Variants in PTGFRN observed in about 807,000 individuals in gnomAD.
PTGFRN encodes the protein prostaglandin F2 receptor inhibitor.
A neutral mutation model predicts 83.2 loss-of-function variants in PTGFRN; 35 were observed. The observed-to-expected ratio is 0.42, with a 90% CI of 0.32 to 0.56. The LOEUF (loss-of-function observed/expected upper bound fraction) is 0.56, where lower values mean the gene tolerates loss of function less well. Among genes scored for constraint, PTGFRN ranks in the 20% least tolerant of loss-of-function variants. The pLI is 0.11. For missense variants in PTGFRN, 1,051 were observed against 1,179.5 expected, an observed-to-expected ratio of 0.89 and a Z score of 1.60; for synonymous variants, 519 against 498.6, an observed-to-expected ratio of 1.04 and a Z score of -0.55.
At chr1:116,974,842 G>A (rs138057148) in intron 7 of PTGFRN, among the ~76,000 whole-genome samples, 15 of 152,256 alleles carry the variant, frequency 9.9e-5, no homozygotes, top group Non-Finnish European at 1.6e-4. Flanking sequence ...CTGAGGTATC[G>A]GGTTCATCTC....
chr1:116,937,859 C>G (rs1435555692), intron 1 of PTGFRN, among the ~76,000 whole-genome samples: 5 of 152,152 alleles, frequency 3.3e-5, no homozygotes, highest in Non-Finnish European at 5.9e-5. Flanking sequence ...TTGCCATAGG[C>G]CAGGGATCAT....
chr1:116,924,017 A>C (rs971332527), intron 1 of PTGFRN, among the ~76,000 whole-genome samples: 10 of 152,170 alleles, frequency 6.6e-5, no homozygotes, highest in Non-Finnish European at 1.2e-4. Flanking sequence ...AAACAAACTG[A>C]ACATTAAAGA....
intron 4 of PTGFRN, among the ~76,000 whole-genome samples, chr1:116,953,075 G>A (rs1243971966): frequency 1.3e-5 from 2 of 152,192 alleles, no homozygotes; most frequent in Non-Finnish European, 2.9e-5. Flanking sequence ...GTTGAACTCT[G>A]CCCGAAGTAC....
intron 7 of PTGFRN, among the ~76,000 whole-genome samples, chr1:116,977,994 A>G (rs1405341565): frequency 6.6e-6 from 1 of 152,202 alleles, no homozygotes; most frequent in Non-Finnish European, 1.5e-5. Flanking sequence ...ATAAAGAAGA[A>G]AAGAGAGAAG....
intron 7 of PTGFRN, among the ~76,000 whole-genome samples, chr1:116,980,122 A>G (rs1651272268): frequency 6.6e-6 from 1 of 152,006 alleles, no homozygotes; most frequent in African/African-American, 2.4e-5. Context: ...AACGCTCATC[A>G]TCACTGGCCA....
intron 1 of PTGFRN, among the ~76,000 whole-genome samples, chr1:116,932,895 T>C (rs1309694252): frequency 1.3e-5 from 2 of 152,246 alleles, no homozygotes; most frequent in African/African-American, 4.8e-5. Context: ...CCTCACGTTA[T>C]AGCTGTTATG....
In PTGFRN at chr1:116,958,804, T is replaced by C. The variant is rs769895258; in HGVS notation, c.1214-2439T>C. Reference sequence around the variant, plus strand: ...GCTCCAGACCTCAGCTCCTCACCACTGTTCTCTGCTGCCTCACAGTTTGCT... The same window carrying C: ...GCTCCAGACCTCAGCTCCTCACCACCGTTCTCTGCTGCCTCACAGTTTGCT... On this transcript the variant is annotated intron_variant, in intron 4 of 8. Transcript: ENST00000393203. This position sits in a 1 kb window ranked among gnomAD's most constrained non-coding sequence, Gnocchi z 4.9. Among the ~76,000 whole-genome samples, 1 of 152,186 alleles carries C rather than the reference T, an allele frequency of 6.6e-6. No homozygotes were observed. Among genetic ancestry groups the C allele is most frequent in the Non-Finnish European group, 1.5e-5 (1 of 68,030 alleles).
intron 6 of PTGFRN, among the ~76,000 whole-genome samples, chr1:116,970,525 A>AT (rs1376210008): frequency 6.6e-6 from 1 of 152,124 alleles, no homozygotes; most frequent in African/African-American, 2.4e-5. Context: ...GACACAGAGT[A>AT]TTTTGTATCT....
chr1:116,934,351 T>TACA (rs1258783319), intron 1 of PTGFRN, among the ~76,000 whole-genome samples: 2 of 151,954 alleles, frequency 1.3e-5, no homozygotes, highest in African/African-American at 4.8e-5. Flanking sequence ...CTCACTATGT[T>TACA]GCCCAGGCTG....
chr1:116,987,388 G>A lies in PTGFRN; in HGVS notation c.*421G>A, dbSNP rs950571127. 5.0e-6 allele frequency: 1 copy of A among 201,558 alleles called. No homozygotes were observed. Among genetic ancestry groups the A allele is most frequent in the Non-Finnish European group, 1.0e-5 (1 of 98,546 alleles). The allele number at this position is 201,558 out of a possible 1,614,324, so 12.5% of individuals were successfully genotyped here. On this transcript the variant is annotated 3_prime_UTR_variant, in exon 9 of 9. Coordinates refer to ENST00000393203, the MANE Select transcript of PTGFRN (RefSeq NM_020440.4). Reference sequence around the variant, plus strand: ...TGCCCGCCTGAGAGCCAGCTTCCGCGTTGGAGGCACGTGTTCAGAGAGCTG... The same window carrying A: ...TGCCCGCCTGAGAGCCAGCTTCCGCATTGGAGGCACGTGTTCAGAGAGCTG...
chr1:116,937,939 C>T (rs1158540435), intron 1 of PTGFRN, among the ~76,000 whole-genome samples: 1 of 152,102 alleles, frequency 6.6e-6, no homozygotes, highest in Non-Finnish European at 1.5e-5. Flanking sequence ...ACCACGGTCT[C>T]CATTTCACAC....
At chr1:116,972,439 A>G (rs1651029944) in intron 6 of PTGFRN, among the ~76,000 whole-genome samples, 1 of 152,214 alleles carries the variant, frequency 6.6e-6, no homozygotes, top group Non-Finnish European at 1.5e-5. Flanking sequence ...AAAAATATTT[A>G]TATACTTGGT....
At position 116,941,226 on chromosome 1, in the gene PTGFRN, A is replaced by G. The variant is rs1054066861; in HGVS notation, c.50-489A>G. Among the ~76,000 whole-genome samples the G allele has an allele frequency of 1.1e-4, 16 of 152,246 alleles. No homozygotes were observed. Among genetic ancestry groups the G allele is most frequent in the African/African-American group, 3.6e-4 (15 of 41,472 alleles). On this transcript the variant is annotated intron_variant, in intron 1 of 8. Coordinates refer to ENST00000393203, the MANE Select transcript of PTGFRN (RefSeq NM_020440.4). The surrounding 1 kb of genome is among the most constrained non-coding windows in gnomAD (Gnocchi z 5.0). Reference sequence around the variant, plus strand: ...ATAACAGGAGTTAAATCATTTTATCAGCAGGCTGCTCTAGGATTTAAAAAT... The same window carrying G: ...ATAACAGGAGTTAAATCATTTTATCGGCAGGCTGCTCTAGGATTTAAAAAT...
At chr1:116,915,168 T>C (rs1649374715) in intron 1 of PTGFRN, among the ~76,000 whole-genome samples, 2 of 151,784 alleles carry the variant, frequency 1.3e-5, no homozygotes, top group Admixed American at 6.6e-5. Context: ...GCGTATTGCT[T>C]GAGATTAGCT....
chr1:116,914,319 A>G (rs1165911914), intron 1 of PTGFRN, among the ~76,000 whole-genome samples: 10 of 152,188 alleles, frequency 6.6e-5, no homozygotes, highest in Non-Finnish European at 1.5e-4. Context: ...GTTCTATTGG[A>G]GAGACTTTGG....
At chr1:116,979,905 A>C (rs939057439) in intron 7 of PTGFRN, among the ~76,000 whole-genome samples, 1 of 152,248 alleles carries the variant, frequency 6.6e-6, no homozygotes, top group African/African-American at 2.4e-5. Flanking sequence ...TCTGCACAGC[A>C]AAAGAAACTA....
chr1:116,954,784 C>T (rs995905317), intron 4 of PTGFRN, among the ~76,000 whole-genome samples: 1 of 152,178 alleles, frequency 6.6e-6, no homozygotes. Context: ...CTTAGCTCCT[C>T]TAACTTTTGC....
chr1:116,953,625 T>C (rs1650403842), intron 4 of PTGFRN, among the ~76,000 whole-genome samples: 2 of 152,028 alleles, frequency 1.3e-5, no homozygotes, highest in Non-Finnish European at 2.9e-5. Context: ...CCCCACCAAG[T>C]TCTTAACCAA....
chr1:116,969,120 GTTT>G (rs35570677), intron 6 of PTGFRN, among the ~76,000 whole-genome samples: 147 of 137,234 alleles, frequency 1.1e-3, no homozygotes, highest in Middle Eastern at 3.6e-3. Context: ...CAGTTTATCT[GTTT>G]TTTTTTTTTT....
Sources: allele counts gnomAD v4.1 joint callset (sites outside exome capture counted in the v4.1 genomes callset), GRCh38; gene constraint gnomAD v4.1.1; non-coding constraint Gnocchi (gnomAD v3.1); transcripts MANE v1.5; gene names NCBI Gene and HGNC (gene_info 2026-07-23, HGNC 2026-07-21).